Variants in ACYP2 observed in about 807,000 individuals in gnomAD.
ACYP2 encodes acylphosphatase-2.
Under a neutral mutation model 11.2 loss-of-function variants are expected in ACYP2, and 12 were observed. The ratio of observed to expected loss-of-function variants is 1.08; its 90% CI spans 0.69 to 1.74. The LOEUF (loss-of-function observed/expected upper bound fraction) is 1.74. Ranked by LOEUF, ACYP2 falls within the 40% of genes most tolerant of loss-of-function variation. The pLI, the probability that ACYP2 is intolerant of heterozygous loss-of-function variation, is 0.00. For missense variants in ACYP2, 134 were observed against 101.9 expected (o/e 1.31, Z -1.35); for synonymous variants, 43 against 32.2 (o/e 1.33, Z -1.13).
intron 6 of ACYP2, among the ~76,000 whole-genome samples, chr2:54,226,389 A>G (rs1413223399): frequency 1.3e-5 from 2 of 152,234 alleles, no homozygotes; most frequent in Non-Finnish European, 2.9e-5. Flanking sequence ...TACTGGCTGT[A>G]GGCAGTCCTG....
chr2:54,210,072 C>A (rs1014701544), intron 6 of ACYP2, among the ~76,000 whole-genome samples: 10 of 133,582 alleles, frequency 7.5e-5, no homozygotes, highest in Non-Finnish European at 1.4e-4. Context: ...ACCTGGGAGG[C>A]AAAGGTTGCA....
chr2:54,006,472 A>G (rs1276145286), intron 2 of ACYP2, among the ~76,000 whole-genome samples: 2 of 151,652 alleles, frequency 1.3e-5, no homozygotes, highest in African/African-American at 4.8e-5. Flanking sequence ...TTTTGTAGAG[A>G]TGGTGTCTTG....
chr2:54,136,180 TG>T (rs1162587597), intron 5 of ACYP2, among the ~76,000 whole-genome samples: 7 of 152,104 alleles, frequency 4.6e-5, no homozygotes, highest in Admixed American at 1.3e-4. Flanking sequence ...ATTACAGGTG[TG>T]AGCCACCATG....
chr2:54,183,691 T>C (rs541636061), intron 6 of ACYP2, among the ~76,000 whole-genome samples: 2 of 152,342 alleles, frequency 1.3e-5, no homozygotes, highest in South Asian at 4.1e-4. Context: ...TTAAATTATA[T>C]TTTTCAAAAA....
At chr2:54,065,815 AT>A (rs1676714797) in intron 4 of ACYP2, 3 of 273,700 alleles carry the variant, frequency 1.1e-5, no homozygotes, top group Non-Finnish European at 2.0e-5. Context: ...GTGTTTATGC[AT>A]GCTCAGCTGA....
intron 5 of ACYP2, among the ~76,000 whole-genome samples, chr2:54,136,233 G>A (rs1002472539): frequency 1.3e-5 from 2 of 152,074 alleles, no homozygotes; most frequent in Non-Finnish European, 2.9e-5. Context: ...TAGAGACAGG[G>A]TTTCACCATA....
intron 2 of ACYP2, among the ~76,000 whole-genome samples, chr2:54,037,461 G>A (rs115324582): frequency 0.068 from 10,270 of 152,014 alleles, 442 homozygotes; most frequent in Non-Finnish European, 0.094. Flanking sequence ...CCCAGGCTGA[G>A]GTGCAGTGGC....
chr2:54,175,567 C>T (rs1465565439), intron 6 of ACYP2, among the ~76,000 whole-genome samples: 1 of 152,022 alleles, frequency 6.6e-6, no homozygotes, highest in Non-Finnish European at 1.5e-5. Context: ...TTCTTGCCTT[C>T]TCCTAGTTTT....
At chr2:54,261,000 T>G (rs843695) in intron 6 of ACYP2, among the ~76,000 whole-genome samples, 68,598 of 151,926 alleles carry the variant, frequency 0.45, 15,855 homozygotes, top group South Asian at 0.56. Flanking sequence ...CCAAGGTATA[T>G]CACCACTACC....
intron 6 of ACYP2, among the ~76,000 whole-genome samples, chr2:54,196,004 G>C (rs1684463466): frequency 6.6e-6 from 1 of 151,788 alleles, no homozygotes; most frequent in South Asian, 2.1e-4. Flanking sequence ...CAACATGTTG[G>C]TCAGGCTGGT....
intron 6 of ACYP2, among the ~76,000 whole-genome samples, chr2:54,294,544 GA>G (rs1266051950): frequency 6.6e-6 from 1 of 152,108 alleles, no homozygotes; most frequent in African/African-American, 2.4e-5. Flanking sequence ...TTGCTTCAGA[GA>G]AAAACTTCAC....
At chr2:54,157,588 T>C (rs535845651) in intron 6 of ACYP2, among the ~76,000 whole-genome samples, 1 of 152,374 alleles carries the variant, frequency 6.6e-6, no homozygotes, top group Non-Finnish European at 1.5e-5. Context: ...CTTTTATATA[T>C]GCCAGGCACT....
intron 4 of ACYP2, among the ~76,000 whole-genome samples, chr2:54,120,429 T>G (rs141020734): frequency 6.2e-4 from 94 of 152,384 alleles, no homozygotes; most frequent in African/African-American, 2.0e-3. Flanking sequence ...TATAGATGCT[T>G]TGATGCTTTA....
intron 2 of ACYP2, among the ~76,000 whole-genome samples, chr2:53,993,121 G>T (rs1314318974): frequency 6.6e-6 from 1 of 152,018 alleles, no homozygotes; most frequent in Non-Finnish European, 1.5e-5. Context: ...CACGAGAATC[G>T]CTTGAACCCA....
At chr2:54,292,867 G>C (rs1412725420) in intron 6 of ACYP2, among the ~76,000 whole-genome samples, 1 of 152,142 alleles carries the variant, frequency 6.6e-6, no homozygotes, top group Non-Finnish European at 1.5e-5. Context: ...ATTCTGCAGA[G>C]TTGCTCCAAC....
intron 6 of ACYP2, among the ~76,000 whole-genome samples, chr2:54,160,630 G>A (rs1355911954): frequency 6.6e-6 from 1 of 152,226 alleles, no homozygotes; most frequent in Non-Finnish European, 1.5e-5. Context: ...AGAAGAGAAT[G>A]TCAGATACGA....
chr2:54,115,363 G>A, intron 4 of ACYP2: 1 of 520,488 alleles, frequency 1.9e-6, no homozygotes, highest in Non-Finnish European at 3.3e-6. Context: ...ACAGCATCCG[G>A]CTTTTATTTA....
intron 6 of ACYP2, among the ~76,000 whole-genome samples, chr2:54,202,787 T>C (rs1684908793): frequency 7.1e-6 from 1 of 141,672 alleles, no homozygotes; most frequent in Admixed American, 7.3e-5. Flanking sequence ...GGCCTTGAAC[T>C]TTTGGGCTCA....
chr2:54,248,377 T>A (rs1005141313), intron 6 of ACYP2, among the ~76,000 whole-genome samples: 2 of 152,148 alleles, frequency 1.3e-5, no homozygotes, highest in African/African-American at 4.8e-5. Context: ...ACTCTACACA[T>A]TTAGAACTAA....
Sources: allele counts gnomAD v4.1 joint callset (sites outside exome capture counted in the v4.1 genomes callset), GRCh38; gene constraint gnomAD v4.1.1; transcripts MANE v1.5; gene names NCBI Gene and HGNC (gene_info 2026-07-23, HGNC 2026-07-21).